The following ZSWIM1 variants were observed in gnomAD, a reference collection of about 807,000 sequenced individuals.
The protein encoded by ZSWIM1 is zinc finger SWIM-type containing 1.
A neutral mutation model predicts 29.3 loss-of-function variants in ZSWIM1; 22 were observed. The ratio of observed to expected loss-of-function variants is 0.75; its 90% CI spans 0.54 to 1.07. The LOEUF is 1.07. ZSWIM1 is among the 50% of genes least tolerant of loss of function. The pLI is 0.00. For synonymous variants in ZSWIM1, 228 were observed against 240.8 expected (o/e 0.95, Z 0.49); for missense variants, 511 against 596.2 (o/e 0.86, Z 1.49).
rs1285005896 is a variant in ZSWIM1 at position 45,882,517 on chromosome 20, C to G, written c.-60-16C>G. 6.5e-7 allele frequency: 1 copy of G among 1,528,424 alleles called. No homozygotes were observed. The highest frequency in any genetic ancestry group is 8.8e-7 in the Non-Finnish European group (1 of 1,138,880). 94.7% of individuals were successfully genotyped at this position (1,528,424 alleles called of 1,614,324 possible). A position where few individuals can be genotyped will look rare whatever the true frequency, so the allele number is the denominator to read the frequency against. On this transcript the variant is annotated splice_polypyrimidine_tract_variant and intron_variant, in intron 1 of 1. Coordinates refer to ENST00000372523, the MANE Select transcript of ZSWIM1 (RefSeq NM_080603.5). ...AGGTCCCTGCTGTCTCCTTAAACCT[C>G]TGTTACTCTCCATAGGCCCATCTTT...
chr20:45,882,451 AGT>A, intron 1 of ZSWIM1, 80 bp from the exon 2 acceptor site: 1 of 961,118 alleles, frequency 1.0e-6, no homozygotes, highest in Middle Eastern at 3.4e-4. Flanking sequence ...ACATATAGTA[AGT>A]GTTCAACAAA....
chr20:45,883,282 C>T lies in ZSWIM1; in HGVS notation c.690C>T (p.His230=), dbSNP rs1353849840. 6.2e-7 allele frequency: 1 copy of T among 1,614,058 alleles called. No individual in the cohort carries two copies. The highest frequency in any genetic ancestry group is 8.5e-7 in the Non-Finnish European group (1 of 1,180,052). ...CIPPAKLPEL[H]SHWLLNDRIW... is the part of the protein sequence containing the mutation. Reference sequence around the variant, plus strand: ...CTCCAGCCAAGCTGCCCGAGCTTCACTCACACTGGCTGCTCAACGACCGCA... The same window carrying T: ...CTCCAGCCAAGCTGCCCGAGCTTCATTCACACTGGCTGCTCAACGACCGCA... The change falls in exon 2 of 2, where the codon CAC becomes CAT. Residue 230 remains histidine, a synonymous_variant. Transcript: ENST00000372523.
rs1986365929 is a variant in ZSWIM1, at chr20:45,883,564, C to T, written c.972C>T (p.Ser324=). The part of the protein sequence containing the change: ...ESPKLEQLVE[S]HIQHSLNAIC... ...CCAAACTGGAGCAGCTGGTAGAATC[C>T]CACATCCAGCACTCCCTCAATGCCA... The change falls in exon 2 of 2, where the codon TCC becomes TCT. Residue 324 remains serine, a synonymous_variant. Transcript: ENST00000372523. 1 of 1,614,114 alleles carries T rather than the reference C, an allele frequency of 6.2e-7. No individual in the cohort carries two copies. The highest frequency in any genetic ancestry group is 8.5e-7 in the Non-Finnish European group (1 of 1,180,056).
At chr20:45,881,411 G>T (rs116933093) in intron 1 of ZSWIM1, 150 bp downstream of exon 1, 1,984 of 152,358 alleles carry the variant, frequency 0.013, 31 homozygotes, top group Non-Finnish European at 0.021. Flanking sequence ...CTCCCACCCA[G>T]GTTAGAGGTG....
chr20:45,883,703 A>G lies in ZSWIM1; in HGVS notation c.1111A>G (p.Thr371Ala), dbSNP rs892467485. 11 of 1,614,014 alleles carry G rather than the reference A, an allele frequency of 6.8e-6. No homozygotes were observed. The African/African-American group carries it at 1.5e-4, about 22-fold the overall frequency. Reference sequence around the variant, plus strand: ...GATGAACATACAGATCCTGGAAGATACCCATAAGGTGCAGCCCCAGCCCCC... The same window carrying G: ...GATGAACATACAGATCCTGGAAGATGCCCATAAGGTGCAGCCCCAGCCCCC... Reference protein sequence around the residue: ...EKMNIQILEDTHKVQPQPPAS... With the variant: ...EKMNIQILEDAHKVQPQPPAS... The change falls in exon 2 of 2, where the codon ACC becomes GCC. Residue 371 changes from threonine (T) to alanine (A), a missense_variant. Transcript: ENST00000372523.
chr20:45,882,075 T>C (rs1044553970), intron 1 of ZSWIM1, among the ~76,000 whole-genome samples: 3 of 152,164 alleles, frequency 2.0e-5, no homozygotes, highest in African/African-American at 7.2e-5. Flanking sequence ...GGTCTCGAAC[T>C]CCCAACCTCA....
chr20:45,883,832 C>A lies in ZSWIM1; in HGVS notation c.1240C>A (p.Pro414Thr). The A allele has an allele frequency of 6.2e-7, 1 of 1,613,580 alleles. No individual in the cohort carries two copies. Among genetic ancestry groups the A allele is most frequent in the Non-Finnish European group, 8.5e-7 (1 of 1,180,012 alleles). ...RRQVLQPDML[P>T]AQWTAGCATS... ...CCAGGTGCTCCAGCCCGACATGCTG[C>A]CGGCTCAGTGGACGGCAGGCTGTGC... The change falls in exon 2 of 2, where the codon CCG (proline) becomes ACG (threonine). Residue 414 changes from proline to threonine, a missense_variant. Coordinates refer to ENST00000372523, the MANE Select transcript of ZSWIM1 (RefSeq NM_080603.5).
rs769272852 is a variant in ZSWIM1, at chr20:45,882,953, G to A, written c.361G>A (p.Asp121Asn). Residue 121 changes from aspartate (D) to asparagine (N), a missense_variant, in exon 2 of 2, where the codon GAC becomes AAC. Physicochemically the swap from Asp to Asn is conservative, Grantham distance 23. Transcript: ENST00000372523. ...AVYFAIPAKE[D>N]TEGLAQMFQV... ...CTACTTTGCCATCCCTGCCAAGGAG[G>A]ACACTGAAGGCCTGGCCCAGATGTT... is the stretch of plus-strand genomic sequence containing the variant. The A allele has an allele frequency of 1.2e-6, 2 of 1,614,180 alleles. No homozygotes were observed. The highest frequency in any genetic ancestry group is 1.1e-5 in the South Asian group (1 of 91,090).
Position 45,883,671 on chromosome 20 carries a change from C to T in ZSWIM1, c.1079C>T (p.Ser360Leu). The T allele has an allele frequency of 6.2e-7, 1 of 1,614,198 alleles. No homozygotes were observed. The highest frequency in any genetic ancestry group is 8.5e-7 in the Non-Finnish European group (1 of 1,180,032). Residue 360 changes from serine (S) to leucine (L), a missense_variant, in exon 2 of 2, where the codon TCA (serine) becomes TTA (leucine). Physicochemically the swap from Ser to Leu is moderately radical, Grantham distance 145. Transcript: ENST00000372523. The part of the protein sequence containing the change: ...QKSTHLIGSG[S>L]EKMNIQILED... ...TCCACACACCTCATTGGCTCTGGCT[C>T]AGAAAAGATGAACATACAGATCCTG...
intron 1 of ZSWIM1, among the ~76,000 whole-genome samples, 191 bp from the exon 2 acceptor site, chr20:45,882,342 T>C (rs979479740): frequency 1.3e-5 from 2 of 152,358 alleles, no homozygotes; most frequent in South Asian, 4.1e-4. Flanking sequence ...CTCTCTGACA[T>C]GTTACTCAGG....
rs1409584338 is a variant in ZSWIM1, at chr20:45,883,145, T to TC, written c.556dup (p.Leu186ProfsTer2). The TC allele has an allele frequency of 6.2e-7, 1 of 1,613,982 alleles. No individual in the cohort carries two copies. Among genetic ancestry groups the TC allele is most frequent in the Non-Finnish European group, 8.5e-7 (1 of 1,180,028 alleles). On this transcript the variant is annotated frameshift_variant, in exon 2 of 2. Transcript: ENST00000372523. LOFTEE classifies it high-confidence loss of function. ...CCTCCAGGCCAAGTTCTATCAGCTGTCCCTTGAACGGCCCGTGGAAAGGCT... is the reference window on the plus strand; with the variant it reads ...CCTCCAGGCCAAGTTCTATCAGCTGTCCCCTTGAACGGCCCGTGGAAAGGCT...
chr20:45,881,706 G>A (rs895478294), intron 1 of ZSWIM1, among the ~76,000 whole-genome samples: 1 of 152,220 alleles, frequency 6.6e-6, no homozygotes, highest in African/African-American at 2.4e-5. Flanking sequence ...TATGGTGGAA[G>A]GGATTGAGGC....
Position 45,883,509 on chromosome 20 carries a change from A to G in ZSWIM1, c.917A>G (p.His306Arg). The G allele has an allele frequency of 1.2e-6, 2 of 1,614,148 alleles. No homozygotes were observed. The highest frequency in any genetic ancestry group is 1.7e-6 in the Non-Finnish European group (2 of 1,180,032). The change falls in exon 2 of 2, where the codon CAT (histidine) becomes CGT (arginine). Residue 306 changes from histidine to arginine, a missense_variant. Coordinates refer to ENST00000372523, the MANE Select transcript of ZSWIM1 (RefSeq NM_080603.5). ...CAGGGCCTGTGTGCCCAGAACAATC[A>G]TGCTCCCTCAGACACCATCCCCGAA... ...FNQGLCAQNN[H>R]APSDTIPESP...
chr20:45,884,140 ACACT>A lies in ZSWIM1; in HGVS notation c.*92_*95del, dbSNP rs1986402416. ...CACACACACACACACACACACACAC[ACACT>A]CCCTTACACTGTTGTACTTCCGTGG... is the stretch of plus-strand genomic sequence containing the variant. On this transcript the variant is annotated 3_prime_UTR_variant, in exon 2 of 2. Transcript: ENST00000372523. 4 of 1,389,870 alleles carry A rather than the reference ACACT, an allele frequency of 2.9e-6. No individual in the cohort carries two copies. The highest frequency in any genetic ancestry group is 2.8e-5 in the South Asian group (2 of 72,682). 86.1% of individuals were successfully genotyped at this position (1,389,870 alleles called of 1,614,324 possible).
In ZSWIM1 at chr20:45,883,530, C is replaced by T; in HGVS notation, c.938C>T (p.Pro313Leu). The change falls in exon 2 of 2, where the codon CCC becomes CTC. Residue 313 changes from proline to leucine, a missense_variant. Coordinates refer to ENST00000372523, the MANE Select transcript of ZSWIM1 (RefSeq NM_080603.5). Reference protein sequence around the residue: ...QNNHAPSDTIPESPKLEQLVE... With the variant: ...QNNHAPSDTILESPKLEQLVE... ...AATCATGCTCCCTCAGACACCATCC[C>T]CGAAAGCCCCAAACTGGAGCAGCTG... is the stretch of plus-strand genomic sequence containing the variant. The T allele has an allele frequency of 1.2e-6, 2 of 1,614,236 alleles. No homozygotes were observed. The highest frequency in any genetic ancestry group is 1.7e-5 in the Admixed American group (1 of 60,022).
At chr20:45,881,038 G>C (rs566007715), upstream of ZSWIM1, among the ~76,000 whole-genome samples, 72 of 152,326 alleles carry the variant, frequency 4.7e-4, no homozygotes, top group African/African-American at 1.7e-3. Flanking sequence ...TCTCCCAGAT[G>C]CAAGTATCTT....
At position 45,883,500 on chromosome 20, in the gene ZSWIM1, A is replaced by C; in HGVS notation, c.908A>C (p.Gln303Pro). ...AACTTCAACCAGGGCCTGTGTGCCC[A>C]GAACAATCATGCTCCCTCAGACACC... is the stretch of plus-strand genomic sequence containing the variant. ...KANFNQGLCA[Q>P]NNHAPSDTIP... Residue 303 changes from glutamine to proline, a missense_variant, in exon 2 of 2, where the codon CAG (glutamine) becomes CCG (proline). Gln to Pro is a moderately conservative substitution (Grantham distance 76). Coordinates refer to ENST00000372523, the MANE Select transcript of ZSWIM1 (RefSeq NM_080603.5). 6.2e-7 allele frequency: 1 copy of C among 1,614,244 alleles called. No homozygotes were observed. The highest frequency in any genetic ancestry group is 8.5e-7 in the Non-Finnish European group (1 of 1,180,034).
chr20:45,884,755 A>T lies in ZSWIM1; in HGVS notation c.*705A>T, dbSNP rs1986426971. 6.0e-6 allele frequency: 1 copy of T among 166,944 alleles called. No homozygotes were observed. The highest frequency in any genetic ancestry group is 2.4e-5 in the African/African-American group (1 of 41,420). 10.3% of individuals were successfully genotyped at this position (166,944 alleles called of 1,614,324 possible). On this transcript the variant is annotated 3_prime_UTR_variant, in exon 2 of 2. Coordinates refer to ENST00000372523, the MANE Select transcript of ZSWIM1 (RefSeq NM_080603.5). Reference sequence around the variant, plus strand: ...GCTGGGCATGGTGGCTCACGCCTGTAATCCCAGCATTTTGGGAGGCTGAGG... The same window carrying T: ...GCTGGGCATGGTGGCTCACGCCTGTTATCCCAGCATTTTGGGAGGCTGAGG...
rs545548282 is a variant in ZSWIM1, at chr20:45,882,347, C to G, written c.-60-186C>G. ...CCCCAGCTTACTCTCTGACATGTTA[C>G]TCAGGTTTATGGTCTTTGTAAGCTT... is the stretch of plus-strand genomic sequence containing the variant. On this transcript the variant is annotated intron_variant, in intron 1 of 1. Transcript: ENST00000372523. Among the ~76,000 whole-genome samples the G allele has an allele frequency of 2.0e-5, 3 of 152,308 alleles. No individual in the cohort carries two copies. In the South Asian group the frequency reaches 6.2e-4, roughly 32 times the overall value.
Sources: allele counts gnomAD v4.1 joint callset (sites outside exome capture counted in the v4.1 genomes callset), GRCh38; gene constraint gnomAD v4.1.1; transcripts MANE v1.5; gene names NCBI Gene and HGNC (gene_info 2026-07-23, HGNC 2026-07-21).